GRIK4: variants seen among roughly 807,000 people sequenced by gnomAD.
The protein encoded by GRIK4 is glutamate receptor ionotropic, kainate 4.
Under a neutral mutation model 104.9 loss-of-function variants are expected in GRIK4, and 40 were observed. The ratio of observed to expected loss-of-function variants is 0.38; its 90% CI spans 0.30 to 0.50. The LOEUF is 0.50. GRIK4 is among the 20% of genes least tolerant of loss of function. The pLI is 0.93. For missense variants in GRIK4, 1,047 were observed against 1,308.1 expected (o/e 0.80, Z 3.08); for synonymous variants, 485 against 524.9 (o/e 0.92, Z 1.04).
At chr11:120,642,804 T>C (rs1044168028) in intron 1 of GRIK4, among the ~76,000 whole-genome samples, 9 of 152,222 alleles carry the variant, frequency 5.9e-5, no homozygotes, top group African/African-American at 2.2e-4. Context: ...ATCTGTTTGC[T>C]GTCAGAACAT....
intron 1 of GRIK4, among the ~76,000 whole-genome samples, chr11:120,539,566 C>T (rs1365650411): frequency 6.6e-6 from 1 of 152,176 alleles, no homozygotes. Context: ...GGAAGCTGGC[C>T]AGGGAGTTAA....
At chr11:120,966,343 TGA>T (rs1467514036) in intron 18 of GRIK4, among the ~76,000 whole-genome samples, 1 of 152,142 alleles carries the variant, frequency 6.6e-6, no homozygotes, top group African/African-American at 2.4e-5. Flanking sequence ...TGTAATGTAG[TGA>T]GAGTTACAAG....
chr11:120,598,906 T>A (rs1948842405), intron 1 of GRIK4, among the ~76,000 whole-genome samples: 1 of 152,250 alleles, frequency 6.6e-6, no homozygotes, highest in Admixed American at 6.5e-5. Context: ...AAGTCATATG[T>A]CCAAGTCCAG....
chr11:120,531,773 A>G (rs1179015216), intron 1 of GRIK4, among the ~76,000 whole-genome samples: 1 of 151,736 alleles, frequency 6.6e-6, no homozygotes, highest in Non-Finnish European at 1.5e-5. Context: ...ACGGGTTTTC[A>G]CCATGTTGGC....
At chr11:120,717,439 A>G (rs1412812163) in intron 3 of GRIK4, among the ~76,000 whole-genome samples, 2 of 152,018 alleles carry the variant, frequency 1.3e-5, no homozygotes, top group African/African-American at 4.8e-5. Flanking sequence ...AGGATCTGGC[A>G]GTGCTTAGGG....
At chr11:120,521,108 G>A (rs937179652) in intron 1 of GRIK4, among the ~76,000 whole-genome samples, 3 of 151,892 alleles carry the variant, frequency 2.0e-5, no homozygotes, top group African/African-American at 7.3e-5. Flanking sequence ...GTTTTTTTGA[G>A]ACAGAGTTTC....
intron 1 of GRIK4, among the ~76,000 whole-genome samples, chr11:120,575,102 G>C (rs1032738031): frequency 1.3e-5 from 2 of 152,206 alleles, no homozygotes; most frequent in African/African-American, 2.4e-5. Flanking sequence ...AGGCTTCTCA[G>C]CTCCAGAGGA....
chr11:120,846,020 A>G (rs1953844177), intron 8 of GRIK4, among the ~76,000 whole-genome samples: 1 of 152,136 alleles, frequency 6.6e-6, no homozygotes, highest in Non-Finnish European at 1.5e-5. Flanking sequence ...GATGCTATTG[A>G]TCCAAACCTG....
intron 3 of GRIK4, among the ~76,000 whole-genome samples, chr11:120,669,628 A>G (rs1949980297): frequency 6.6e-6 from 1 of 152,170 alleles, no homozygotes; most frequent in Non-Finnish European, 1.5e-5. Context: ...AGCATTTCAC[A>G]TAGTCTTTTC....
intron 3 of GRIK4, among the ~76,000 whole-genome samples, chr11:120,738,465 G>T (rs1039655758): frequency 6.6e-6 from 1 of 152,216 alleles, no homozygotes; most frequent in Non-Finnish European, 1.5e-5. Flanking sequence ...GTCAGACTCA[G>T]CCCCAATGGC....
intron 3 of GRIK4, among the ~76,000 whole-genome samples, chr11:120,794,164 G>A (rs1034488568): frequency 6.7e-6 from 1 of 148,732 alleles, no homozygotes. Context: ...CCGGGTGATG[G>A]TTACAGGTGA....
At position 120,952,898 on chromosome 11, in the gene GRIK4, C is replaced by T. The variant is rs748815647; in HGVS notation, c.1634C>T (p.Pro545Leu). ...TTCTCCTTCCTGGACCCATTTTCTC[C>T]GGGCGTCTGGCTCTTCATGCTTCTA... Reference protein sequence around the residue: ...GYFSFLDPFSPGVWLFMLLAY... With the variant: ...GYFSFLDPFSLGVWLFMLLAY... The change falls in exon 15 of 21, where the codon CCG (proline) becomes CTG (leucine). Residue 545 changes from proline (P) to leucine (L), a missense_variant. Physicochemically the swap from Pro to Leu is moderately conservative, Grantham distance 98. Around this residue, in one of 3 missense-constraint regions of GRIK4, gnomAD observed 440 missense variants for 652.3 expected, o/e 0.67. Transcript: ENST00000527524. This position sits in a 1 kb window ranked among gnomAD's most constrained non-coding sequence, Gnocchi z 5.2. The T allele has an allele frequency of 1.4e-5, 22 of 1,613,888 alleles. No individual in the cohort carries two copies. The highest frequency in any genetic ancestry group is 8.3e-5 in the Admixed American group (5 of 60,004).
chr11:120,522,768 C>T (rs1474786050), intron 1 of GRIK4, among the ~76,000 whole-genome samples: 1 of 152,176 alleles, frequency 6.6e-6, no homozygotes, highest in African/African-American at 2.4e-5. Context: ...ATCCCCTGGC[C>T]AGGAAGACAA....
At chr11:120,790,324 C>T (rs369540858) in intron 3 of GRIK4, among the ~76,000 whole-genome samples, 3 of 152,014 alleles carry the variant, frequency 2.0e-5, no homozygotes, top group Admixed American at 6.6e-5. Context: ...AGAAAGCAAA[C>T]GATTAAGTAC....
At chr11:120,731,969 T>A (rs760261676) in intron 3 of GRIK4, among the ~76,000 whole-genome samples, 9 of 152,184 alleles carry the variant, frequency 5.9e-5, no homozygotes, top group Non-Finnish European at 1.3e-4. Context: ...GCTAAAGGTT[T>A]GTCATTTTTA....
chr11:120,511,784 C>A lies in GRIK4; in HGVS notation c.-262C>A. On this transcript the variant is annotated 5_prime_UTR_variant, in exon 1 of 21. Transcript: ENST00000527524. ...AGCTGCGGGCGGATCGGGCTGGAGC[C>A]GCCACGGCTGCTGCGGAAGAGGAAA... 2.8e-6 allele frequency: 1 copy of A among 359,570 alleles called. No individual in the cohort carries two copies. The highest frequency in any genetic ancestry group is 5.6e-6 in the Non-Finnish European group (1 of 178,224). The allele number at this position is 359,570 out of a possible 1,614,324, so 22.3% of individuals were successfully genotyped here.
intron 3 of GRIK4, among the ~76,000 whole-genome samples, chr11:120,665,713 A>G (rs1482485449): frequency 6.6e-6 from 1 of 152,194 alleles, no homozygotes. Context: ...TTAGGAGAGT[A>G]AATATTTTAC....
intron 3 of GRIK4, among the ~76,000 whole-genome samples, chr11:120,751,219 CA>C (rs1398906031): frequency 6.6e-6 from 1 of 151,940 alleles, no homozygotes; most frequent in African/African-American, 2.4e-5. Context: ...CCGTGCCTGG[CA>C]GGGGCAGGCA....
At position 120,902,816 on chromosome 11, in the gene GRIK4, G is replaced by A. The variant is rs555826796; in HGVS notation, c.1273-2474G>A. Among the ~76,000 whole-genome samples, 21 of 152,244 alleles carry A rather than the reference G, an allele frequency of 1.4e-4. No individual in the cohort carries two copies. The highest frequency in any genetic ancestry group is 2.6e-4 in the Admixed American group (4 of 15,304). ...TAGGTGAGGTGGAAGATGGGGGAGT[G>A]TGTGGAGAGTTTGTGCAGGGAGAAG... is the stretch of plus-strand genomic sequence containing the variant. On this transcript the variant is annotated intron_variant, in intron 12 of 20. Transcript: ENST00000527524. This position sits in a 1 kb window ranked among gnomAD's most constrained non-coding sequence, Gnocchi z 4.5.
Sources: allele counts gnomAD v4.1 joint callset (sites outside exome capture counted in the v4.1 genomes callset), GRCh38; gene constraint gnomAD v4.1.1; regional missense constraint gnomAD v4.1.1; non-coding constraint Gnocchi (gnomAD v3.1); transcripts MANE v1.5; gene names NCBI Gene and HGNC (gene_info 2026-07-23, HGNC 2026-07-21).